The following ATAD2B variants were observed in gnomAD, a reference collection of about 807,000 sequenced individuals.
The protein encoded by ATAD2B is ATPase family AAA domain-containing protein 2B.
A neutral mutation model predicts 167.6 loss-of-function variants in ATAD2B; 40 were observed. The observed-to-expected ratio is 0.24, with a 90% CI of 0.19 to 0.31. The LOEUF (loss-of-function observed/expected upper bound fraction) is 0.31. ATAD2B is among the 10% of genes least tolerant of loss of function. The pLI, the probability that ATAD2B is intolerant of heterozygous loss-of-function variation, is 1.00. For synonymous variants in ATAD2B, 579 were observed against 596.5 expected, an observed-to-expected ratio of 0.97 and a Z score of 0.43; for missense variants, 1,242 against 1,757.2, an observed-to-expected ratio of 0.71 and a Z score of 5.24.
the ATAD2B span, among the ~76,000 whole-genome samples, chr2:23,682,799 G>T: frequency 3.9e-5 from 6 of 152,122 alleles, no homozygotes; most frequent in African/African-American, 1.4e-4. The surrounding 1 kb of genome is among the most constrained non-coding windows in gnomAD (Gnocchi z 4.1). Flanking sequence ...CCTTCCTGAA[G>T]TCCCAGCCAG....
chr2:23,729,289 G>T, the ATAD2B span, among the ~76,000 whole-genome samples: 2 of 152,170 alleles, frequency 1.3e-5, no homozygotes, highest in Admixed American at 6.5e-5. Context: ...AAACCAGAAT[G>T]GAGTCATTCA....
At chr2:23,883,497 C>G in intron 6 of ATAD2B, 1 of 575,258 alleles carries the variant, frequency 1.7e-6, no homozygotes, top group Non-Finnish European at 2.7e-6. Flanking sequence ...CACAGTATTA[C>G]AAGCAGAATT....
In ATAD2B at chr2:23,856,423, G is replaced by C. The variant is rs539673796; in HGVS notation, c.1568+992C>G. On this transcript the variant is annotated intron_variant, in intron 13 of 27. Coordinates refer to ENST00000238789, the MANE Select transcript of ATAD2B (RefSeq NM_017552.4). ...ATTTGGGATGCTCAACCTGTAGCAGGTTGAGCATTATCATAATAGCTAAAA... is the reference window on the plus strand; with the variant it reads ...ATTTGGGATGCTCAACCTGTAGCAGCTTGAGCATTATCATAATAGCTAAAA... 6.8e-4 allele frequency: 271 copies of C among 398,162 alleles called. 1 individual carries two copies. Among genetic ancestry groups the C allele is most frequent in the South Asian group, 5.0e-3 (264 of 52,880 alleles). 24.7% of individuals were successfully genotyped at this position (398,162 alleles called of 1,614,324 possible). A position where few individuals can be genotyped will look rare whatever the true frequency, so the allele number is the denominator to read the frequency against.
At chr2:23,744,408 AT>A (rs1160878907), downstream of ATAD2B, among the ~76,000 whole-genome samples, 3 of 152,178 alleles carry the variant, frequency 2.0e-5, no homozygotes, top group Non-Finnish European at 4.4e-5. Flanking sequence ...AAATATATAA[AT>A]TTTAAAGATA....
At chr2:23,712,715 T>TA in the ATAD2B span, among the ~76,000 whole-genome samples, 5 of 151,792 alleles carry the variant, frequency 3.3e-5, no homozygotes, top group African/African-American at 9.7e-5. Flanking sequence ...CACATGATGG[T>TA]AAAAAAACTG....
chr2:23,848,107 G>C (rs79921427), intron 13 of ATAD2B, among the ~76,000 whole-genome samples: 5,331 of 152,028 alleles, frequency 0.035, 106 homozygotes, highest in South Asian at 0.054. Context: ...CTGGAAATAT[G>C]AACATCTACA....
At chr2:23,887,263 T>C (rs1349440585) in intron 4 of ATAD2B, among the ~76,000 whole-genome samples, 1 of 151,448 alleles carries the variant, frequency 6.6e-6, no homozygotes, top group Non-Finnish European at 1.5e-5. Context: ...GGTCTCACTA[T>C]GCTGCCGTGA....
intron 18 of ATAD2B, among the ~76,000 whole-genome samples, chr2:23,805,496 TCA>T (rs1012453055): frequency 1.1e-4 from 16 of 152,310 alleles, no homozygotes; most frequent in African/African-American, 3.6e-4. Flanking sequence ...GAAGGGATAT[TCA>T]GTTTGTTTGC....
intron 13 of ATAD2B, among the ~76,000 whole-genome samples, chr2:23,836,470 G>A (rs1275746875): frequency 6.6e-6 from 1 of 152,180 alleles, no homozygotes; most frequent in Admixed American, 6.5e-5. Context: ...CAAGGGGCAT[G>A]TTTCAGCCCT....
chr2:23,864,944 A>T lies in ATAD2B; in HGVS notation c.1189-20T>A, dbSNP rs757560232. ...CCGTACCTTGGAAAGAAGGGGAAAA[A>T]TTTGATATCAAACAATTTTATATGT... is the stretch of plus-strand genomic sequence containing the variant. On this transcript the variant is annotated intron_variant, in intron 10 of 27. Coordinates refer to ENST00000238789, the MANE Select transcript of ATAD2B (RefSeq NM_017552.4). The T allele has an allele frequency of 2.9e-6, 4 of 1,389,150 alleles. No individual in the cohort carries two copies. In the East Asian group the frequency reaches 7.5e-5, roughly 26 times the overall value. 86.1% of individuals were successfully genotyped at this position (1,389,150 alleles called of 1,614,324 possible).
At chr2:23,743,417 A>G in the ATAD2B span, among the ~76,000 whole-genome samples, 1 of 151,904 alleles carries the variant, frequency 6.6e-6, no homozygotes, top group Non-Finnish European at 1.5e-5. Context: ...ATAAAAATAA[A>G]TAATGCATGG....
intron 18 of ATAD2B, chr2:23,808,934 G>C (rs1451933070): frequency 6.6e-6 from 1 of 151,986 alleles, no homozygotes; most frequent in African/African-American, 2.4e-5. Context: ...TATGCTGTTG[G>C]AACAGTGTGA....
chr2:23,754,888 G>C, intron 25 of ATAD2B, 114 bp from the exon 26 acceptor site: 1 of 1,108,680 alleles, frequency 9.0e-7, no homozygotes, highest in Non-Finnish European at 1.3e-6. Flanking sequence ...ATGAGGAAGG[G>C]TGTATTCTTA....
chr2:23,827,052 T>C (rs746153060), intron 15 of ATAD2B, among the ~76,000 whole-genome samples: 8 of 152,182 alleles, frequency 5.3e-5, no homozygotes, highest in Non-Finnish European at 1.2e-4. Context: ...TTAAAATTAC[T>C]ATTTCACGCC....
chr2:23,755,953 T>C (rs1331823110), intron 25 of ATAD2B, among the ~76,000 whole-genome samples: 1 of 152,164 alleles, frequency 6.6e-6, no homozygotes, highest in East Asian at 1.9e-4. Flanking sequence ...ACTGTCCTGA[T>C]AATTCCAAAT....
At chr2:23,860,976 A>T (rs999013068) in intron 12 of ATAD2B, among the ~76,000 whole-genome samples, 2 of 152,030 alleles carry the variant, frequency 1.3e-5, no homozygotes, top group African/African-American at 4.8e-5. Flanking sequence ...CATATCAAAT[A>T]AATAAATAAA....
At chr2:23,775,097 C>T (rs762412067) in intron 22 of ATAD2B, among the ~76,000 whole-genome samples, 5 of 151,838 alleles carry the variant, frequency 3.3e-5, no homozygotes, top group Non-Finnish European at 5.9e-5. Flanking sequence ...AGAAAAGTTA[C>T]ATTATGAGAT....
chr2:23,703,830 G>A, the ATAD2B span: 1 of 1,537,462 alleles, frequency 6.5e-7, no homozygotes, highest in Non-Finnish European at 8.7e-7. Flanking sequence ...ATTAAGGCGG[G>A]CCCAAACATG....
At chr2:23,804,621 A>G (rs1684043164) in intron 18 of ATAD2B, among the ~76,000 whole-genome samples, 1 of 151,936 alleles carries the variant, frequency 6.6e-6, no homozygotes, top group Non-Finnish European at 1.5e-5. Context: ...GGATGAAGTT[A>G]GAATTCAAAG....
Sources: gnomAD v4.1 joint callset for allele counts (sites outside exome capture counted in the v4.1 genomes callset) on GRCh38, gnomAD v4.1.1 for gene constraint, Gnocchi (gnomAD v3.1) non-coding constraint, MANE v1.5 for transcripts, NCBI Gene and HGNC (gene_info 2026-07-23, HGNC 2026-07-21) for gene names.